Variants in CPNE5 observed in about 807,000 individuals in gnomAD.
The protein encoded by CPNE5 is copine-5.
A neutral mutation model predicts 81.1 loss-of-function variants in CPNE5; 42 were observed. The observed-to-expected ratio is 0.52, with a 90% confidence interval of 0.40 to 0.67. The LOEUF is 0.67. Ranked by LOEUF, CPNE5 falls within the 30% of genes least tolerant of loss-of-function variation. CPNE5 has a pLI of 0.00. For synonymous variants in CPNE5, 313 were observed against 321.5 expected (o/e 0.97, Z 0.28); for missense variants, 612 against 815.5 (o/e 0.75, Z 3.04).
At chr6:36,779,190 C>T (rs370142558) in intron 8 of CPNE5, among the ~76,000 whole-genome samples, 1 of 152,204 alleles carries the variant, frequency 6.6e-6, no homozygotes, top group East Asian at 1.9e-4. Flanking sequence ...TCTGCCACTT[C>T]CTCTGTGTGA....
At chr6:36,782,544 C>T (rs1418757663) in intron 8 of CPNE5, among the ~76,000 whole-genome samples, 1 of 152,102 alleles carries the variant, frequency 6.6e-6, no homozygotes, top group African/African-American at 2.4e-5. Context: ...GTGGCTCATG[C>T]CTGTAATCCC....
chr6:36,752,447 C>G (rs927756361), intron 14 of CPNE5: 1 of 152,502 alleles, frequency 6.6e-6, no homozygotes, highest in African/African-American at 2.4e-5. Flanking sequence ...GGACCAATCC[C>G]TGGCTTATCC....
chr6:36,827,578 G>T, intron 1 of CPNE5: 3 of 985,332 alleles, frequency 3.0e-6, no homozygotes, highest in Non-Finnish European at 3.6e-6. Flanking sequence ...AGTTTCCCCC[G>T]CTGCAAAGGC....
chr6:36,839,555 G>A (rs904418265), upstream of CPNE5: 4 of 508,516 alleles, frequency 7.9e-6, no homozygotes, highest in African/African-American at 8.0e-5. This position sits in a 1 kb window ranked among gnomAD's most constrained non-coding sequence, Gnocchi z 7.3. Context: ...GGCGGAGGGA[G>A]CGGGGGCCGC....
rs116023699 is a variant in CPNE5 at position 36,774,399 on chromosome 6, A to C, written c.737+562T>G. 1.8e-3 allele frequency among the ~76,000 whole-genome samples: 281 copies of C among 152,198 alleles called. 1 individual carries two copies. The highest frequency in any genetic ancestry group is 6.6e-3 in the African/African-American group (273 of 41,534). On this transcript the variant is annotated intron_variant, in intron 10 of 20. Coordinates refer to ENST00000244751, the MANE Select transcript of CPNE5 (RefSeq NM_020939.2). ...GCGAGACCCTGTCTAAAAAAAGAGA[A>C]AGAAATCCCAGAAGCTCTTTGCACT...
At chr6:36,821,668 T>C (rs1157391320) in intron 3 of CPNE5, among the ~76,000 whole-genome samples, 1 of 152,154 alleles carries the variant, frequency 6.6e-6, no homozygotes, top group African/African-American at 2.4e-5. Context: ...CGGGACTTGA[T>C]TCAATGCAGA....
At chr6:36,790,640 A>C (rs1582898127) in intron 8 of CPNE5, among the ~76,000 whole-genome samples, 1 of 152,224 alleles carries the variant, frequency 6.6e-6, no homozygotes, top group Non-Finnish European at 1.5e-5. Context: ...TCTGTCGCCC[A>C]GGCTGGAGTG....
chr6:36,781,246 G>T (rs1007648064), intron 8 of CPNE5, among the ~76,000 whole-genome samples: 13 of 152,082 alleles, frequency 8.5e-5, no homozygotes. Context: ...TGGACTGGGG[G>T]CTTCCAAGGC....
At chr6:36,748,385 G>T in intron 14 of CPNE5, 118 bp from the exon 15 acceptor site, 1 of 848,824 alleles carries the variant, frequency 1.2e-6, no homozygotes, top group Non-Finnish European at 2.0e-6. Flanking sequence ...GTGTGGCCTT[G>T]GTGAAGTCAT....
intron 13 of CPNE5, among the ~76,000 whole-genome samples, chr6:36,753,351 T>A (rs1017686147): frequency 2.6e-5 from 4 of 152,248 alleles, no homozygotes; most frequent in Non-Finnish European, 4.4e-5. Flanking sequence ...CCAGGGTGTG[T>A]CTGACTTCAG....
intron 18 of CPNE5, 138 bp from the exon 19 acceptor site, chr6:36,744,463 C>G: frequency 1.4e-6 from 1 of 695,764 alleles, no homozygotes. Context: ...CAGAGAAACA[C>G]AGAAAAGGGG....
chr6:36,753,165 C>G, intron 13 of CPNE5, 70 bp from the exon 14 acceptor site: 1 of 1,272,458 alleles, frequency 7.9e-7, no homozygotes, highest in South Asian at 1.2e-5. Flanking sequence ...GATTCGAGAG[C>G]TGACATTGAC....
chr6:36,794,281 G>A (rs912812403), intron 7 of CPNE5, among the ~76,000 whole-genome samples: 1 of 152,006 alleles, frequency 6.6e-6, no homozygotes, highest in East Asian at 1.9e-4. Context: ...AGAGTGCCCA[G>A]CCCCGCTATT....
chr6:36,766,423 T>C lies in CPNE5; in HGVS notation c.738-1047A>G, dbSNP rs1766570339. 6.6e-6 allele frequency among the ~76,000 whole-genome samples: 1 copy of C among 152,186 alleles called. No individual in the cohort carries two copies. Among genetic ancestry groups the C allele is most frequent in the Non-Finnish European group, 1.5e-5 (1 of 68,032 alleles). On this transcript the variant is annotated intron_variant, in intron 10 of 20. Coordinates refer to ENST00000244751, the MANE Select transcript of CPNE5 (RefSeq NM_020939.2). This position sits in a 1 kb window ranked among gnomAD's most constrained non-coding sequence, Gnocchi z 4.2. ...GCAGAAACTGTTCTGAATGAAGGAA[T>C]GCCCAGTAGGTTGTGCACACACTGG... is the stretch of plus-strand genomic sequence containing the variant.
intron 9 of CPNE5, among the ~76,000 whole-genome samples, chr6:36,775,987 G>A (rs1258476274): frequency 2.6e-5 from 4 of 152,096 alleles, no homozygotes; most frequent in Admixed American, 2.0e-4. Context: ...TAACTTAGAC[G>A]ATCTTTAAGA....
intron 8 of CPNE5, among the ~76,000 whole-genome samples, chr6:36,780,408 G>A (rs1362171781): frequency 6.6e-6 from 1 of 152,176 alleles, no homozygotes; most frequent in Non-Finnish European, 1.5e-5. Context: ...CGGTGGTTAG[G>A]AATACGGCTG....
intron 8 of CPNE5, among the ~76,000 whole-genome samples, chr6:36,783,993 C>A (rs1191896230): frequency 1.3e-5 from 2 of 152,188 alleles, no homozygotes; most frequent in Non-Finnish European, 2.9e-5. Context: ...TACATTCCAA[C>A]CTCAGTTTGA....
chr6:36,765,311 GC>G, intron 11 of CPNE5, 23 bp downstream of exon 11: 1 of 1,613,082 alleles, frequency 6.2e-7, no homozygotes, highest in Non-Finnish European at 8.5e-7. Context: ...TCACCTTCTC[GC>G]CCCTGCCCTC....
intron 3 of CPNE5, among the ~76,000 whole-genome samples, chr6:36,809,882 C>T (rs1770945252): frequency 6.6e-6 from 1 of 151,686 alleles, no homozygotes; most frequent in Non-Finnish European, 1.5e-5. Context: ...CCTCCTCCTC[C>T]TCCTTCTGCT....
Sources: allele counts gnomAD v4.1 joint callset (sites outside exome capture counted in the v4.1 genomes callset), GRCh38; gene constraint gnomAD v4.1.1; non-coding constraint Gnocchi (gnomAD v3.1); transcripts MANE v1.5; gene names NCBI Gene and HGNC (gene_info 2026-07-23, HGNC 2026-07-21).